The following MCPH1 variants were observed in gnomAD, a reference collection of about 807,000 sequenced individuals.
The protein encoded by MCPH1 is microcephalin.
In MCPH1, 104 loss-of-function variants were observed where a neutral mutation model predicts 84.5. That is an observed-to-expected ratio of 1.23 (90% confidence interval 1.05 to 1.45). The LOEUF (loss-of-function observed/expected upper bound fraction) is 1.45. Among genes scored for constraint, MCPH1 ranks in the 40% most tolerant of loss-of-function variants. The pLI is 0.00. For missense variants in MCPH1, 1,498 were observed against 1,005.7 expected (o/e 1.49, Z -6.62); for synonymous variants, 514 against 366.8 (o/e 1.40, Z -4.58).
chr8:6,493,669 G>A (rs1810913417), intron 11 of MCPH1, among the ~76,000 whole-genome samples: 1 of 152,134 alleles, frequency 6.6e-6, no homozygotes. Flanking sequence ...GTCTGCTCAG[G>A]CTTGAGGTGA....
intron 12 of MCPH1, among the ~76,000 whole-genome samples, chr8:6,539,052 TA>T (rs1821026111): frequency 6.6e-6 from 1 of 151,606 alleles, no homozygotes; most frequent in African/African-American, 2.4e-5. Context: ...TGTGTGTGTT[TA>T]TTCTGGAGAT....
intron 11 of MCPH1, among the ~76,000 whole-genome samples, chr8:6,486,193 A>G (rs895326442): frequency 6.6e-6 from 1 of 151,862 alleles, no homozygotes; most frequent in Non-Finnish European, 1.5e-5. Context: ...CACAGTTCCA[A>G]TTTCTTTTAG....
chr8:6,505,275 T>TATACATATATATGTATATA, intron 12 of MCPH1, among the ~76,000 whole-genome samples: 1 of 27,102 alleles, frequency 3.7e-5, no homozygotes, highest in Admixed American at 5.3e-4. Flanking sequence ...TATATATGTA[T>TATACATATATATGTATATA]ACATATATAT....
chr8:6,485,464 C>A (rs1458154570), intron 11 of MCPH1, among the ~76,000 whole-genome samples: 2 of 152,092 alleles, frequency 1.3e-5, no homozygotes, highest in Non-Finnish European at 2.9e-5. Flanking sequence ...CCTGTACCTT[C>A]AACTGCTGCC....
At chr8:6,540,269 A>C (rs981673092) in intron 12 of MCPH1, among the ~76,000 whole-genome samples, 1 of 152,210 alleles carries the variant, frequency 6.6e-6, no homozygotes, top group Admixed American at 6.5e-5. Flanking sequence ...CACTACTCCA[A>C]AATTTGATAA....
intron 13 of MCPH1, chr8:6,625,890 G>T: frequency 3.0e-6 from 3 of 985,362 alleles, no homozygotes; most frequent in Non-Finnish European, 2.4e-6. Context: ...GGAGAACCAG[G>T]AGTTTTTTAG....
At chr8:6,635,041 T>C (rs1377625071) in intron 13 of MCPH1, 2 of 152,190 alleles carry the variant, frequency 1.3e-5, no homozygotes, top group African/African-American at 4.8e-5. Flanking sequence ...CCTACGACTG[T>C]GTTCAGTGAT....
intron 11 of MCPH1, among the ~76,000 whole-genome samples, chr8:6,486,005 T>C (rs1260765753): frequency 1.3e-5 from 2 of 152,210 alleles, no homozygotes; most frequent in Non-Finnish European, 2.9e-5. Flanking sequence ...AGATGACTGC[T>C]GCTTCTTGCA....
intron 12 of MCPH1, chr8:6,616,996 C>T (rs1830860454): frequency 6.6e-6 from 1 of 152,072 alleles, no homozygotes; most frequent in African/African-American, 2.4e-5. Context: ...TGTTTTACAG[C>T]TTCATAAGTT....
intron 3 of MCPH1, among the ~76,000 whole-genome samples, chr8:6,427,883 C>G (rs1216429692): frequency 2.0e-5 from 3 of 151,554 alleles, no homozygotes; most frequent in Admixed American, 1.3e-4. Flanking sequence ...ACCTCTGCCT[C>G]CCAGGTTCAA....
chr8:6,568,723 T>C (rs562075965), intron 12 of MCPH1, among the ~76,000 whole-genome samples: 2 of 152,330 alleles, frequency 1.3e-5, no homozygotes, highest in African/African-American at 4.8e-5. Flanking sequence ...GACATCGTTT[T>C]CCATCAGGCC....
intron 3 of MCPH1, among the ~76,000 whole-genome samples, chr8:6,429,497 C>A (rs910703740): frequency 6.6e-6 from 1 of 152,040 alleles, no homozygotes; most frequent in South Asian, 2.1e-4. Context: ...ATGGACTCCT[C>A]CCCCGCCCCA....
intron 12 of MCPH1, among the ~76,000 whole-genome samples, chr8:6,532,717 A>C (rs564002074): frequency 6.6e-6 from 1 of 152,176 alleles, no homozygotes; most frequent in East Asian, 1.9e-4. Flanking sequence ...CATGTAAAGG[A>C]GGGAGACAAG....
In MCPH1 at chr8:6,621,657, C is replaced by G. The variant is rs2912016; in HGVS notation, c.2418C>G (p.Ala806=). 5.1e-5 allele frequency: 83 copies of G among 1,613,964 alleles called. No individual in the cohort carries two copies. Among genetic ancestry groups the G allele is most frequent in the Non-Finnish European group, 6.9e-5 (82 of 1,179,986 alleles). The change falls in exon 13 of 14, where the codon GCC becomes GCG. Residue 806 remains alanine (A), a synonymous_variant. Transcript: ENST00000344683. The part of the protein sequence containing the change: ...VIGPYSGKKK[A]TVKYLSEKWV... ...GGCCCTACAGCGGAAAGAAGAAAGC[C>G]ACAGTCAAGTATCTGTCTGAGAAAT...
intron 12 of MCPH1, among the ~76,000 whole-genome samples, chr8:6,526,412 C>T (rs1017362831): frequency 6.6e-6 from 1 of 151,076 alleles, no homozygotes; most frequent in Non-Finnish European, 1.5e-5. Flanking sequence ...CCAGCCAGGG[C>T]AACCAGAGTG....
chr8:6,444,254 T>G (rs560396204), intron 7 of MCPH1, 139 bp from the exon 8 acceptor site: 2 of 969,586 alleles, frequency 2.1e-6, no homozygotes, highest in African/African-American at 1.6e-5. Flanking sequence ...TAAGTGGAAA[T>G]GAGAAGAACT....
chr8:6,509,025 T>C (rs760938829), intron 12 of MCPH1: 1 of 1,614,156 alleles, frequency 6.2e-7, no homozygotes, highest in Non-Finnish European at 8.5e-7. Context: ...ATGCTGCTTA[T>C]TTTGCCGGCT....
At chr8:6,625,784 T>TA in intron 13 of MCPH1, 1 of 983,686 alleles carries the variant, frequency 1.0e-6, no homozygotes, top group Non-Finnish European at 1.2e-6. Flanking sequence ...ACCCCATCTC[T>TA]AAAAAGAAAA....
At chr8:6,427,474 C>G (rs1295380461) in intron 3 of MCPH1, among the ~76,000 whole-genome samples, 2 of 152,140 alleles carry the variant, frequency 1.3e-5, no homozygotes, top group African/African-American at 2.4e-5. Flanking sequence ...TAGGCTCAAG[C>G]AATCCTCCTG....
Sources: allele counts gnomAD v4.1 joint callset (sites outside exome capture counted in the v4.1 genomes callset), GRCh38; gene constraint gnomAD v4.1.1; transcripts MANE v1.5; gene names NCBI Gene and HGNC (gene_info 2026-07-23, HGNC 2026-07-21).